Variants in GRIN2A observed in about 807,000 individuals in gnomAD.
GRIN2A encodes the protein glutamate receptor ionotropic, NMDA 2A.
GRIN2A carries 22 observed loss-of-function variants against 113.4 expected under a neutral mutation model. That is an observed-to-expected ratio of 0.19 (90% CI 0.14 to 0.28). GRIN2A has a LOEUF of 0.28. GRIN2A is among the 10% of genes least tolerant of loss of function. The pLI is 1.00. For synonymous variants in GRIN2A, 827 were observed against 738.4 expected, an observed-to-expected ratio of 1.12 and a Z score of -1.94; for missense variants, 1,502 against 1,887.0, an observed-to-expected ratio of 0.80 and a Z score of 3.78.
intron 2 of GRIN2A, among the ~76,000 whole-genome samples, chr16:10,167,453 TTTTTCAAGTCAGGGATTGTAG>T (rs1186245338): frequency 3.3e-5 from 5 of 152,162 alleles, no homozygotes; most frequent in African/African-American, 7.2e-5. Context: ...ACAATTAACC[TTTTTCAAGTCAGGGATTGTAG>T]TTTTCAAGTC....
At chr16:10,122,354 C>T (rs2048851583) in intron 2 of GRIN2A, among the ~76,000 whole-genome samples, 1 of 152,136 alleles carries the variant, frequency 6.6e-6, no homozygotes, top group African/African-American at 2.4e-5. Context: ...AACTCTCTTT[C>T]AGGAGGCTTC....
chr16:10,087,584 A>G (rs1228634231), intron 2 of GRIN2A, among the ~76,000 whole-genome samples: 7 of 152,268 alleles, frequency 4.6e-5, no homozygotes, highest in Admixed American at 4.6e-4. Flanking sequence ...AAATCTCAGT[A>G]GCTTATTACT....
At chr16:10,120,195 G>A (rs58926525) in intron 2 of GRIN2A, among the ~76,000 whole-genome samples, 27,397 of 152,096 alleles carry the variant, frequency 0.18, 3,095 homozygotes, top group East Asian at 0.41. Flanking sequence ...ACATTCAACT[G>A]GGGGAGATTT....
At chr16:9,962,062 T>C (rs563371258) in intron 2 of GRIN2A, among the ~76,000 whole-genome samples, 25 of 152,298 alleles carry the variant, frequency 1.6e-4, no homozygotes, top group African/African-American at 6.0e-4. Flanking sequence ...TAGCCATATG[T>C]AGAAAGCTGA....
chr16:10,132,340 C>CAAAAAAAAAAAAAAAAAAAAAAAAAAA (rs71402435), intron 2 of GRIN2A, among the ~76,000 whole-genome samples: 25 of 61,606 alleles, frequency 4.1e-4, no homozygotes, highest in South Asian at 8.6e-4. Context: ...GACACCGTCT[C>CAAAAAAAAAAAAAAAAAAAAAAAAAAA]AAAAAAAAAA....
At chr16:9,837,922 G>T (rs944872327) in intron 7 of GRIN2A, among the ~76,000 whole-genome samples, 10 of 152,198 alleles carry the variant, frequency 6.6e-5, no homozygotes, top group Non-Finnish European at 8.8e-5. Flanking sequence ...ATCAAATCCA[G>T]AGAGTGGCAA....
At chr16:10,095,675 T>A (rs1240149157) in intron 2 of GRIN2A, among the ~76,000 whole-genome samples, 2 of 150,852 alleles carry the variant, frequency 1.3e-5, no homozygotes, top group Admixed American at 6.7e-5. Context: ...GCAGGAAGCA[T>A]CAGAACCCAG....
chr16:9,792,773 G>A (rs1206062232), intron 11 of GRIN2A, among the ~76,000 whole-genome samples: 1 of 152,126 alleles, frequency 6.6e-6, no homozygotes. Context: ...ATACAAAGAA[G>A]AAGATTAAAC....
intron 9 of GRIN2A, among the ~76,000 whole-genome samples, chr16:9,824,170 A>G (rs1270181212): frequency 6.6e-6 from 1 of 152,224 alleles, no homozygotes; most frequent in African/African-American, 2.4e-5. Flanking sequence ...AGAAGTGGCC[A>G]TCCATTTTCC....
At chr16:9,975,864 C>A (rs150477150) in intron 2 of GRIN2A, among the ~76,000 whole-genome samples, 235 of 152,262 alleles carry the variant, frequency 1.5e-3, no homozygotes, top group African/African-American at 4.3e-3. Flanking sequence ...GAAGAATGGA[C>A]CATCTTTATT....
chr16:10,097,054 G>C (rs1442386116), intron 2 of GRIN2A, among the ~76,000 whole-genome samples: 1 of 152,148 alleles, frequency 6.6e-6, no homozygotes, highest in East Asian at 1.9e-4. Flanking sequence ...TTTCAAGTCT[G>C]TTTCAACTCT....
chr16:9,949,110 G>T (rs890278232), intron 2 of GRIN2A, among the ~76,000 whole-genome samples: 1 of 152,260 alleles, frequency 6.6e-6, no homozygotes, highest in South Asian at 2.1e-4. Context: ...CCACCTCCAC[G>T]GTGCTCCCAG....
intron 10 of GRIN2A, among the ~76,000 whole-genome samples, chr16:9,804,777 C>T (rs2041932451): frequency 6.6e-6 from 1 of 152,158 alleles, no homozygotes; most frequent in Non-Finnish European, 1.5e-5. Context: ...ATGACAGGCT[C>T]ACCCCCTGCC....
At position 9,925,498 on chromosome 16, in the gene GRIN2A, A is replaced by G. The variant is rs569402295; in HGVS notation, c.1007+12461T>C. 3.5e-3 allele frequency among the ~76,000 whole-genome samples: 528 copies of G among 152,316 alleles called. 1 individual carries two copies. The highest frequency in any genetic ancestry group is 0.01 in the African/African-American group (435 of 41,558). ...TCACTTTTCTCAGGTACTCTCTCCT[A>G]TGAAATCCAGCTGCTTTTGTTTCCT... On this transcript the variant is annotated intron_variant, in intron 3 of 12. Transcript: ENST00000330684.
chr16:10,029,371 T>C (rs1364529601), intron 2 of GRIN2A, among the ~76,000 whole-genome samples: 1 of 152,258 alleles, frequency 6.6e-6, no homozygotes, highest in Non-Finnish European at 1.5e-5. Flanking sequence ...AATTTTTGTA[T>C]TTTTAGCAGA....
chr16:9,976,633 T>C (rs1425420731), intron 2 of GRIN2A, among the ~76,000 whole-genome samples: 3 of 152,202 alleles, frequency 2.0e-5, no homozygotes, highest in Non-Finnish European at 2.9e-5. Flanking sequence ...GCCAAGTTTG[T>C]GCTGTCTTTT....
At chr16:9,846,580 C>G (rs919760842) in intron 5 of GRIN2A, among the ~76,000 whole-genome samples, 1 of 152,148 alleles carries the variant, frequency 6.6e-6, no homozygotes, top group Non-Finnish European at 1.5e-5. Context: ...GTGTGTCATG[C>G]TGTGCCCTTG....
At chr16:9,805,249 CTCA>C (rs1258440380) in intron 10 of GRIN2A, among the ~76,000 whole-genome samples, 1 of 152,180 alleles carries the variant, frequency 6.6e-6, no homozygotes, top group African/African-American at 2.4e-5. Flanking sequence ...CCGGTTTTAG[CTCA>C]TCATCTTCTT....
chr16:10,004,851 CA>C (rs1424147617), intron 2 of GRIN2A, among the ~76,000 whole-genome samples: 3 of 152,156 alleles, frequency 2.0e-5, no homozygotes, highest in African/African-American at 7.2e-5. Flanking sequence ...TGTAAGGTAA[CA>C]TACTCACAAG....
Sources: gnomAD v4.1 joint callset for allele counts (sites outside exome capture counted in the v4.1 genomes callset) on GRCh38, gnomAD v4.1.1 for gene constraint, MANE v1.5 for transcripts, NCBI Gene and HGNC (gene_info 2026-07-23, HGNC 2026-07-21) for gene names.